Variants in PIAS1 observed in about 807,000 individuals in gnomAD.
PIAS1 encodes E3 SUMO-protein ligase PIAS1.
A neutral mutation model predicts 71.3 loss-of-function variants in PIAS1; 6 were observed. That is an observed-to-expected ratio of 0.08 (90% CI 0.05 to 0.17). The LOEUF (loss-of-function observed/expected upper bound fraction) is 0.17, where lower values mean the gene tolerates loss of function less well. Among genes scored for constraint, PIAS1 ranks in the 10% least tolerant of loss-of-function variants. The probability of loss-of-function intolerance (pLI) is 1.00; values close to 1 mark genes in which losing one functional copy is unlikely to be tolerated. For missense variants in PIAS1, 555 were observed against 793.6 expected (o/e 0.70, Z 3.61); for synonymous variants, 303 against 292.9 (o/e 1.03, Z -0.35).
In PIAS1 at chr15:68,173,032, A is replaced by G. The variant is rs1277986428; in HGVS notation, c.1009-700A>G. ...CCAAACATCATGGGGAATGATCACT[A>G]TTGATTCAGTTTTGTCCTGTGAACT... On this transcript the variant is annotated intron_variant, in intron 8 of 13. Transcript: ENST00000249636. The surrounding 1 kb of genome is among the most constrained non-coding windows in gnomAD (Gnocchi z 4.3). Among the ~76,000 whole-genome samples, 2 of 152,232 alleles carry G rather than the reference A, an allele frequency of 1.3e-5. No individual in the cohort carries two copies. The highest frequency in any genetic ancestry group is 4.8e-5 in the African/African-American group (2 of 41,470).
intron 2 of PIAS1, among the ~76,000 whole-genome samples, chr15:68,112,904 G>A (rs1302621699): frequency 6.6e-6 from 1 of 152,152 alleles, no homozygotes; most frequent in African/African-American, 2.4e-5. Flanking sequence ...TACAACCAGG[G>A]AGGGAAGGAT....
intron 2 of PIAS1, among the ~76,000 whole-genome samples, chr15:68,107,343 C>G (rs911685509): frequency 5.3e-5 from 8 of 152,138 alleles, no homozygotes; most frequent in African/African-American, 1.9e-4. Context: ...TCCTCTTAAT[C>G]CTTATCAGAA....
intron 2 of PIAS1, among the ~76,000 whole-genome samples, chr15:68,092,142 G>T (rs575818149): frequency 3.9e-5 from 6 of 152,034 alleles, no homozygotes; most frequent in African/African-American, 1.4e-4. Context: ...TTGGTATGAG[G>T]CATAATAATT....
intron 8 of PIAS1, among the ~76,000 whole-genome samples, chr15:68,168,197 T>C (rs1288070490): frequency 6.6e-6 from 1 of 151,866 alleles, no homozygotes; most frequent in East Asian, 1.9e-4. Flanking sequence ...TCAGTGGAGA[T>C]GAGGTTTCAC....
intron 2 of PIAS1, among the ~76,000 whole-genome samples, chr15:68,134,394 C>T (rs2092705258): frequency 2.2e-5 from 1 of 44,550 alleles, no homozygotes; most frequent in African/African-American, 4.8e-5. Context: ...CCAGACAGGG[C>T]GGCTGGCCGG....
Position 68,187,029 on chromosome 15 carries a change from T to TA in PIAS1, c.1663-512dup, listed in dbSNP as rs1361002867. 7.2e-5 allele frequency among the ~76,000 whole-genome samples: 11 copies of TA among 152,250 alleles called. No homozygotes were observed. The highest frequency in any genetic ancestry group is 3.9e-4 in the Admixed American group (6 of 15,290). ...GAAAGATAAATTTCCTTGGAAAACTTAGAGTAATCATACCCATTATCATTA... is the reference window on the plus strand; with the variant it reads ...GAAAGATAAATTTCCTTGGAAAACTTAAGAGTAATCATACCCATTATCATTA... On this transcript the variant is annotated intron_variant, in intron 13 of 13. Transcript: ENST00000249636. This position sits in a 1 kb window ranked among gnomAD's most constrained non-coding sequence, Gnocchi z 5.3.
At chr15:68,155,459 A>C (rs533448760) in intron 7 of PIAS1, among the ~76,000 whole-genome samples, 3 of 151,254 alleles carry the variant, frequency 2.0e-5, no homozygotes, top group Admixed American at 6.6e-5. Flanking sequence ...TAAAAAAAAA[A>C]AAAAAAAAAA....
chr15:68,073,990 G>C (rs1294162737), intron 1 of PIAS1, among the ~76,000 whole-genome samples: 4 of 152,192 alleles, frequency 2.6e-5, no homozygotes, highest in Admixed American at 2.6e-4. Context: ...TGAACAAGAA[G>C]ATGGTGTAGC....
At chr15:68,076,093 TTTTAGAACA>T (rs1196986192) in intron 1 of PIAS1, among the ~76,000 whole-genome samples, 1 of 152,206 alleles carries the variant, frequency 6.6e-6, no homozygotes, top group African/African-American at 2.4e-5. Flanking sequence ...CACCTAGGGC[TTTTAGAACA>T]TTTGTGTACG....
At chr15:68,062,849 A>G (rs1370771234) in intron 1 of PIAS1, among the ~76,000 whole-genome samples, 1 of 152,058 alleles carries the variant, frequency 6.6e-6, no homozygotes, top group South Asian at 2.1e-4. Flanking sequence ...GCTTTTTTTT[A>G]CAATAGATAG....
At chr15:68,103,172 C>T (rs1461119381) in intron 2 of PIAS1, among the ~76,000 whole-genome samples, 1 of 152,052 alleles carries the variant, frequency 6.6e-6, no homozygotes, top group Admixed American at 6.6e-5. Context: ...AGTGATCTGC[C>T]CGCCTCGCCC....
chr15:68,057,533 A>C (rs1027042195), intron 1 of PIAS1: 4 of 431,586 alleles, frequency 9.3e-6, no homozygotes, highest in Non-Finnish European at 1.8e-5. Context: ...GTAAATAATG[A>C]AATTAAATGG....
chr15:68,184,506 TAAAG>T (rs1463732737), intron 13 of PIAS1: 1 of 152,226 alleles, frequency 6.6e-6, no homozygotes, highest in Non-Finnish European at 1.5e-5. Context: ...TTGCAATGCT[TAAAG>T]AAAAGACTGG....
chr15:68,091,697 C>T (rs1223007266), intron 2 of PIAS1, among the ~76,000 whole-genome samples: 2 of 152,184 alleles, frequency 1.3e-5, no homozygotes, highest in East Asian at 3.9e-4. Context: ...GCACTTAATA[C>T]ACTTAACCTA....
intron 2 of PIAS1, among the ~76,000 whole-genome samples, chr15:68,095,473 A>G (rs1243178293): frequency 1.3e-5 from 2 of 152,128 alleles, no homozygotes; most frequent in African/African-American, 4.8e-5. Flanking sequence ...CTTTTAAAAA[A>G]AAGACGTTTT....
chr15:68,130,509 C>CT (rs1251472564), intron 2 of PIAS1, among the ~76,000 whole-genome samples: 3 of 151,614 alleles, frequency 2.0e-5, no homozygotes, highest in African/African-American at 7.3e-5. Context: ...CAAAGAACTA[C>CT]TTTTTAAAAA....
Position 68,171,612 on chromosome 15 carries a change from G to A in PIAS1, c.1009-2120G>A, listed in dbSNP as rs1455876714. On this transcript the variant is annotated intron_variant, in intron 8 of 13. Transcript: ENST00000249636. This position sits in a 1 kb window ranked among gnomAD's most constrained non-coding sequence, Gnocchi z 4.4. ...ACTGGCATTGCTCTAGTCTCAGTAA[G>A]TTTATAGCATGTTCAGTGTTCTATT... Among the ~76,000 whole-genome samples the A allele has an allele frequency of 1.3e-5, 2 of 152,166 alleles. No homozygotes were observed. Among genetic ancestry groups the A allele is most frequent in the African/African-American group, 4.8e-5 (2 of 41,428 alleles).
chr15:68,137,131 A>G (rs916197836), intron 2 of PIAS1, among the ~76,000 whole-genome samples: 2 of 152,218 alleles, frequency 1.3e-5, no homozygotes, highest in African/African-American at 4.8e-5. Flanking sequence ...AGGATTCATA[A>G]AAATCTTCAT....
intron 2 of PIAS1, among the ~76,000 whole-genome samples, chr15:68,105,680 A>G (rs987389646): frequency 2.6e-5 from 4 of 152,126 alleles, no homozygotes; most frequent in African/African-American, 9.7e-5. Flanking sequence ...TCTGTATGAA[A>G]TGAAATTATA....
Sources: allele counts gnomAD v4.1 joint callset (sites outside exome capture counted in the v4.1 genomes callset), GRCh38; gene constraint gnomAD v4.1.1; non-coding constraint Gnocchi (gnomAD v3.1); transcripts MANE v1.5; gene names NCBI Gene and HGNC (gene_info 2026-07-23, HGNC 2026-07-21).